The following FALEC variants were observed in gnomAD, a reference collection of about 807,000 sequenced individuals.
FALEC encodes focally amplified lncRNA on chromosome 1.
the FALEC span, among the ~76,000 whole-genome samples, chr1:150,526,349 CAAAAAA>C: frequency 3.2e-5 from 2 of 61,832 alleles, no homozygotes; most frequent in Admixed American, 1.7e-4. Flanking sequence ...AACTCCGTCT[CAAAAAA>C]AAAAAAAAAA....
At chr1:150,523,236 G>A in the FALEC span, among the ~76,000 whole-genome samples, 54 of 147,378 alleles carry the variant, frequency 3.7e-4, 1 homozygote, top group African/African-American at 1.2e-3. Flanking sequence ...CAAGTGATCC[G>A]CCCACCGCAG....
chr1:150,518,658 G>A (rs1436564984), downstream of FALEC, among the ~76,000 whole-genome samples: 1 of 151,872 alleles, frequency 6.6e-6, no homozygotes, highest in African/African-American at 2.4e-5. Context: ...AAAGTGCTGG[G>A]ATTATAAGCG....
At chr1:150,526,110 C>T in the FALEC span, among the ~76,000 whole-genome samples, 31 of 152,078 alleles carry the variant, frequency 2.0e-4, no homozygotes, top group Middle Eastern at 3.4e-3. Context: ...CGCCTGTAAT[C>T]CCAGCACTTT....
chr1:150,526,465 C>G, the FALEC span, among the ~76,000 whole-genome samples: 1 of 151,524 alleles, frequency 6.6e-6, no homozygotes, highest in African/African-American at 2.4e-5. Context: ...TTCCAAGTTG[C>G]TGGGAGTACA....
the FALEC span, among the ~76,000 whole-genome samples, chr1:150,534,910 C>G: frequency 2.0e-4 from 31 of 152,236 alleles, no homozygotes; most frequent in African/African-American, 7.2e-4. Context: ...CTTTGCCTCC[C>G]CACAAATAGG....
chr1:150,528,797 C>T, the FALEC span, among the ~76,000 whole-genome samples: 3 of 151,774 alleles, frequency 2.0e-5, no homozygotes, highest in Non-Finnish European at 4.4e-5. Context: ...CCATGTTAGC[C>T]AGGATGGTCT....
At chr1:150,524,434 G>A in the FALEC span, among the ~76,000 whole-genome samples, 1 of 152,122 alleles carries the variant, frequency 6.6e-6, no homozygotes, top group African/African-American at 2.4e-5. Flanking sequence ...GTCAAAAAAA[G>A]TCACATCATC....
the FALEC span, among the ~76,000 whole-genome samples, chr1:150,531,272 A>C: frequency 2.0e-5 from 3 of 152,206 alleles, no homozygotes; most frequent in East Asian, 1.9e-4. Context: ...AGGTGGGCGG[A>C]TCATCCGAGG....
At chr1:150,529,924 C>T in the FALEC span, among the ~76,000 whole-genome samples, 1 of 151,918 alleles carries the variant, frequency 6.6e-6, no homozygotes, top group Admixed American at 6.6e-5. Context: ...ATGCAAAATG[C>T]GGTGTGTCTG....
the FALEC span, among the ~76,000 whole-genome samples, chr1:150,527,945 T>G: frequency 6.6e-6 from 1 of 152,168 alleles, no homozygotes; most frequent in South Asian, 2.1e-4. Context: ...GAATTGGTGG[T>G]CCCATTGACC....
chr1:150,529,674 T>C, the FALEC span, among the ~76,000 whole-genome samples: 1 of 151,876 alleles, frequency 6.6e-6, no homozygotes, highest in Non-Finnish European at 1.5e-5. Flanking sequence ...CTCGGCTCAC[T>C]GCAAGCTCCG....
At chr1:150,534,614 TG>T in the FALEC span, among the ~76,000 whole-genome samples, 102 of 152,076 alleles carry the variant, frequency 6.7e-4, no homozygotes, top group South Asian at 5.4e-3. Context: ...GAGGCCAAGG[TG>T]GGCGGATCAT....
chr1:150,525,734 C>T, the FALEC span, among the ~76,000 whole-genome samples: 2 of 152,118 alleles, frequency 1.3e-5, no homozygotes, highest in Non-Finnish European at 2.9e-5. Flanking sequence ...ATTTTACAAC[C>T]TCAGATTGCT....
chr1:150,529,085 G>A, the FALEC span, among the ~76,000 whole-genome samples: 15 of 145,256 alleles, frequency 1.0e-4, no homozygotes, highest in South Asian at 2.2e-4. Flanking sequence ...GGATAAATCC[G>A]TGAAAGGTGT....
chr1:150,522,864 T>TATACATATATATATAC (rs1560270615), downstream of FALEC, among the ~76,000 whole-genome samples: 1 of 103,300 alleles, frequency 9.7e-6, no homozygotes, highest in Non-Finnish European at 2.1e-5. Flanking sequence ...TATATATATA[T>TATACATATATATATAC]ACGTATATAT....
chr1:150,535,063 T>C, the FALEC span, among the ~76,000 whole-genome samples: 1 of 152,118 alleles, frequency 6.6e-6, no homozygotes, highest in African/African-American at 2.4e-5. Flanking sequence ...GCAAAGCGGC[T>C]GAGGGCCTCC....
chr1:150,531,853 T>C, the FALEC span, among the ~76,000 whole-genome samples: 1 of 152,184 alleles, frequency 6.6e-6, no homozygotes, highest in South Asian at 2.1e-4. Flanking sequence ...AAGCCTTCAC[T>C]TTCCTCAGCT....
the FALEC span, among the ~76,000 whole-genome samples, chr1:150,526,134 G>A: frequency 7.2e-5 from 11 of 151,748 alleles, no homozygotes; most frequent in East Asian, 2.1e-3. Flanking sequence ...AGGCTGAGGC[G>A]GGCGGATCAC....
chr1:150,529,434 G>A, the FALEC span, among the ~76,000 whole-genome samples: 28 of 152,230 alleles, frequency 1.8e-4, no homozygotes, highest in Non-Finnish European at 3.5e-4. Flanking sequence ...GAAAATAGAT[G>A]TGGAATTTTG....
Sources: allele counts gnomAD v4.1 joint callset (sites outside exome capture counted in the v4.1 genomes callset), GRCh38; gene constraint gnomAD v4.1.1; transcripts MANE v1.5; gene names NCBI Gene and HGNC (gene_info 2026-07-23, HGNC 2026-07-21).